Variants in FNBP1 observed in about 807,000 individuals in gnomAD.
FNBP1 encodes formin-binding protein 1.
Under a neutral mutation model 90.6 loss-of-function variants are expected in FNBP1, and 26 were observed. That is an observed-to-expected ratio of 0.29 (90% CI 0.21 to 0.40). FNBP1 has a LOEUF of 0.40. Ranked by LOEUF, FNBP1 falls within the 10% of genes least tolerant of loss-of-function variation. FNBP1 has a pLI of 1.00. For missense variants in FNBP1, 635 were observed against 768.0 expected, an observed-to-expected ratio of 0.83 and a Z score of 2.05; for synonymous variants, 260 against 265.2, an observed-to-expected ratio of 0.98 and a Z score of 0.19.
At chr9:130,034,521 C>T (rs1354719513) in intron 1 of FNBP1, among the ~76,000 whole-genome samples, 1 of 152,126 alleles carries the variant, frequency 6.6e-6, no homozygotes, top group Non-Finnish European at 1.5e-5. Flanking sequence ...AAATAGTTTT[C>T]GCCAAGACAT....
chr9:129,929,057 C>T (rs1588624304), intron 7 of FNBP1, among the ~76,000 whole-genome samples: 2 of 151,958 alleles, frequency 1.3e-5, no homozygotes, highest in African/African-American at 4.8e-5. Flanking sequence ...CGTGATTGTG[C>T]ACTGCACTCC....
rs1554810011 is a variant in FNBP1, at chr9:129,951,440, A to ATTTATTTATTTATTTATTTG, written c.513+5919_513+5920insCAAATAAATAAATAAATAAA. 3.4e-5 allele frequency among the ~76,000 whole-genome samples: 5 copies of ATTTATTTATTTATTTATTTG among 148,914 alleles called. No homozygotes were observed. In the South Asian group the frequency reaches 8.5e-4, roughly 25 times the overall value. ...TTTCTATTTATTTATTTATTTATTT[A>ATTTATTTATTTATTTATTTG]TTTGTTTGTTTGTTTGTTTGAGACA... On this transcript the variant is annotated intron_variant, in intron 6 of 16. Coordinates refer to ENST00000446176, the MANE Select transcript of FNBP1 (RefSeq NM_015033.3).
chr9:130,001,811 G>A (rs1184337565), intron 1 of FNBP1, among the ~76,000 whole-genome samples: 5 of 151,884 alleles, frequency 3.3e-5, no homozygotes, highest in African/African-American at 7.3e-5. Flanking sequence ...ATCACCTGAG[G>A]TCAGGAGTTC....
intron 1 of FNBP1, among the ~76,000 whole-genome samples, chr9:129,996,525 T>C (rs1388419565): frequency 6.6e-6 from 1 of 152,170 alleles, no homozygotes; most frequent in Non-Finnish European, 1.5e-5. Flanking sequence ...TTTTAGTCAT[T>C]TGCCTGTAAG....
At chr9:129,993,624 C>CTT (rs10533724) in intron 2 of FNBP1, among the ~76,000 whole-genome samples, 1 of 112,266 alleles carries the variant, frequency 8.9e-6, no homozygotes, top group Non-Finnish European at 1.8e-5. Flanking sequence ...CCCCAAAGCA[C>CTT]TTTTTTTTTT....
At chr9:129,904,703 A>C (rs2037639909) in intron 12 of FNBP1, among the ~76,000 whole-genome samples, 1 of 151,686 alleles carries the variant, frequency 6.6e-6, no homozygotes, top group African/African-American at 2.4e-5. Context: ...CTTCCTTCCT[A>C]TCTTCCTTAT....
At chr9:130,052,142 C>CA in the FNBP1 span, among the ~76,000 whole-genome samples, 1 of 152,194 alleles carries the variant, frequency 6.6e-6, no homozygotes, top group Non-Finnish European at 1.5e-5. Flanking sequence ...TCTTTGTAGT[C>CA]AGTTTTCCCT....
chr9:130,048,505 T>TTTTTTTTTA, the FNBP1 span, among the ~76,000 whole-genome samples: 1 of 146,670 alleles, frequency 6.8e-6, no homozygotes, highest in African/African-American at 2.5e-5. Flanking sequence ...TTTTTTTTTT[T>TTTTTTTTTA]GAGACGGAGT....
chr9:129,899,768 A>C (rs537279476), intron 15 of FNBP1, among the ~76,000 whole-genome samples, 197 bp downstream of exon 15: 1 of 133,622 alleles, frequency 7.5e-6, no homozygotes, highest in Non-Finnish European at 1.6e-5. Flanking sequence ...GAAGGGAAGG[A>C]AGGGAAGGGA....
chr9:130,028,834 T>C (rs2058569797), intron 1 of FNBP1, among the ~76,000 whole-genome samples: 2 of 152,204 alleles, frequency 1.3e-5, no homozygotes, highest in African/African-American at 4.8e-5. Flanking sequence ...TTTCTGGTTA[T>C]CCAAATTTAT....
chr9:129,936,903 C>T (rs1450870446), intron 6 of FNBP1, among the ~76,000 whole-genome samples: 1 of 152,322 alleles, frequency 6.6e-6, no homozygotes, highest in East Asian at 1.9e-4. Context: ...GGTGCGGTGG[C>T]TCACGCCTGT....
Position 130,003,849 on chromosome 9 carries a change from G to C in FNBP1, c.25-8891C>G, listed in dbSNP as rs1289578614. ...TGAGGCAGGAGAATGGCGTGAACCC[G>C]GGAGGCAGAGCTTGCAGTGAGCTGA... On this transcript the variant is annotated intron_variant, in intron 1 of 16. Coordinates refer to ENST00000446176, the MANE Select transcript of FNBP1 (RefSeq NM_015033.3). Among the ~76,000 whole-genome samples, 3 of 146,874 alleles carry C rather than the reference G, an allele frequency of 2.0e-5. No homozygotes were observed. The East Asian group carries it at 6.0e-4, about 29-fold the overall frequency.
At chr9:129,991,069 G>T (rs989557719) in intron 2 of FNBP1, among the ~76,000 whole-genome samples, 1 of 151,488 alleles carries the variant, frequency 6.6e-6, no homozygotes, top group African/African-American at 2.4e-5. Context: ...GAGTAGGTAG[G>T]ATTACAGGCG....
At chr9:129,970,859 TTC>T (rs1216409957) in intron 4 of FNBP1, among the ~76,000 whole-genome samples, 1 of 151,954 alleles carries the variant, frequency 6.6e-6, no homozygotes, top group Non-Finnish European at 1.5e-5. Context: ...GGGAGAAAGG[TTC>T]TCTTTTTAGT....
chr9:129,947,065 A>G (rs2132493008), intron 6 of FNBP1, among the ~76,000 whole-genome samples: 1 of 152,338 alleles, frequency 6.6e-6, no homozygotes, highest in Admixed American at 6.5e-5. Flanking sequence ...CTGTGATTTT[A>G]AAGTCTTTGT....
chr9:129,975,167 C>T (rs1026439673), intron 4 of FNBP1, among the ~76,000 whole-genome samples: 1 of 152,284 alleles, frequency 6.6e-6, no homozygotes, highest in South Asian at 2.1e-4. Context: ...TGCAGTAAGC[C>T]GAGTTTGTGC....
At chr9:130,008,851 T>C (rs1476282676) in intron 1 of FNBP1, among the ~76,000 whole-genome samples, 2 of 152,044 alleles carry the variant, frequency 1.3e-5, no homozygotes, top group African/African-American at 2.4e-5. Flanking sequence ...CTAGTCTCCA[T>C]AGGTGATTCT....
chr9:129,904,739 C>A (rs560826234), intron 12 of FNBP1, among the ~76,000 whole-genome samples: 1 of 152,148 alleles, frequency 6.6e-6, no homozygotes, highest in African/African-American at 2.4e-5. Context: ...TTTCCCACAG[C>A]ATGCATCATT....
At chr9:129,915,906 T>A in intron 11 of FNBP1, 60 bp downstream of exon 11, 1 of 1,295,086 alleles carries the variant, frequency 7.7e-7, no homozygotes, top group Non-Finnish European at 1.1e-6. Context: ...ATAGCATTCA[T>A]AAAAGACACG....
Sources: gnomAD v4.1 joint callset for allele counts (sites outside exome capture counted in the v4.1 genomes callset) on GRCh38, gnomAD v4.1.1 for gene constraint, MANE v1.5 for transcripts, NCBI Gene and HGNC (gene_info 2026-07-23, HGNC 2026-07-21) for gene names.